FLG2: variants seen among roughly 807,000 people sequenced by gnomAD.
FLG2 encodes the protein filaggrin-2.
FLG2 carries 7 observed loss-of-function variants against 3.9 expected under a neutral mutation model. The ratio of observed to expected loss-of-function variants is 1.79; its 90% CI spans 1.02 to 3.36. The LOEUF (loss-of-function observed/expected upper bound fraction) is 3.36, where lower values mean the gene tolerates loss of function less well. FLG2 is among the 30% of genes most tolerant of loss of function. The probability of loss-of-function intolerance (pLI) is 0.00; values close to 1 mark genes in which losing one functional copy is unlikely to be tolerated. For synonymous variants in FLG2, 1,031 were observed against 1,056.1 expected, an observed-to-expected ratio of 0.98 and a Z score of 0.46; for missense variants, 2,700 against 2,809.4, an observed-to-expected ratio of 0.96 and a Z score of 0.88.
rs755076978 is a variant in FLG2, at chr1:152,352,234, G to C, written c.5552C>G (p.Thr1851Arg). ...TTGAGAATGTCCACTGGTATCTCCT[G>C]TCTGTCCATGAGTAGTTCCATGTCT... is the stretch of plus-strand genomic sequence containing the variant. ...DERHGTTHGQTGDTSGHSQSG... is the reference protein window; with the variant it reads ...DERHGTTHGQRGDTSGHSQSG... The change falls in exon 3 of 3, where the codon ACA becomes AGA. Residue 1851 changes from threonine to arginine, a missense_variant. Transcript: ENST00000388718. The C allele has an allele frequency of 1.9e-6, 3 of 1,613,990 alleles. No homozygotes were observed. The highest frequency in any genetic ancestry group is 1.1e-5 in the South Asian group (1 of 91,058).
chr1:152,357,380 C>T lies in FLG2; in HGVS notation c.406G>A (p.Glu136Lys). The change falls in exon 3 of 3, where the codon GAG becomes AAG. Residue 136 changes from glutamate to lysine, a missense_variant. Physicochemically the swap from Glu to Lys is moderately conservative, Grantham distance 56 (BLOSUM62 1). Transcript: ENST00000388718. ...KSGYRHSSWS[E>K]GEEHGYSSGH... Reference sequence around the variant, plus strand: ...GAACTATATCCATGCTCCTCTCCCTCACTCCAACTTGAATGTCTGTAACCT... The same window carrying T: ...GAACTATATCCATGCTCCTCTCCCTTACTCCAACTTGAATGTCTGTAACCT... 1 of 1,614,178 alleles carries T rather than the reference C, an allele frequency of 6.2e-7. No homozygotes were observed.
chr1:152,350,833 G>C lies in FLG2; in HGVS notation c.6953C>G (p.Thr2318Arg). Residue 2318 changes from threonine to arginine, a missense_variant, in exon 3 of 3, where the codon ACA becomes AGA. Thr to Arg is a moderately conservative substitution (Grantham distance 71, BLOSUM62 -1). Transcript: ENST00000388718. Reference protein sequence around the residue: ...GHSGYGQSTQTGSRSSRASHF... With the variant: ...GHSGYGQSTQRGSRSSRASHF... ...ACTTGCTCTACTAGATCTGGAACCT[G>C]TCTGTGTGGATTGTCCATAACCAGA... 6.2e-7 allele frequency: 1 copy of C among 1,614,152 alleles called. No individual in the cohort carries two copies.
chr1:152,355,575 T>C lies in FLG2; in HGVS notation c.2211A>G (p.Ser737=), dbSNP rs1654183268. Residue 737 remains serine, a synonymous_variant, in exon 3 of 3, where the codon TCA becomes TCG. Coordinates refer to ENST00000388718, the MANE Select transcript of FLG2 (RefSeq NM_001014342.3). ...GQSSSFGQHG[S]GSGQSSGFGQ... is the part of the protein sequence containing the mutation. ...CAAAGCCAGAGGACTGACCTGAGCC[T>C]GATCCATGTTGGCCAAAGCTGGAAG... The C allele has an allele frequency of 6.2e-7, 1 of 1,612,992 alleles. No individual in the cohort carries two copies. Among genetic ancestry groups the C allele is most frequent in the South Asian group, 1.1e-5 (1 of 91,014 alleles).
Position 152,357,213 on chromosome 1 carries a change from A to C in FLG2, c.573T>G (p.Ser191Arg), listed in dbSNP as rs1654273686. 1 of 1,613,664 alleles carries C rather than the reference A, an allele frequency of 6.2e-7. No individual in the cohort carries two copies. Among genetic ancestry groups the C allele is most frequent in the African/African-American group, 1.3e-5 (1 of 74,764 alleles). ...TGGAACCATGTCTGTCTTTGCCACC[A>C]CTCCATGAATGACCACAGCTGGACC... is the stretch of plus-strand genomic sequence containing the variant. ...YHRSSCGHSW[S>R]GGKDRHGSSS... The change falls in exon 3 of 3, where the codon AGT (serine) becomes AGG (arginine). Residue 191 changes from serine (S) to arginine (R), a missense_variant. By Grantham distance (110) the Ser-to-Arg change is moderately radical. Transcript: ENST00000388718.
Position 152,355,518 on chromosome 1 carries a change from A to G in FLG2, c.2268T>C (p.Ser756=). The part of the protein sequence containing the change: ...GQHGSGSGQS[S]GFGQHESRSG... Reference sequence around the variant, plus strand: ...ATCTAGACTCATGTTGTCCAAAGCCAGAGGATTGTCCTGAGCCAGACCCAT... The same window carrying G: ...ATCTAGACTCATGTTGTCCAAAGCCGGAGGATTGTCCTGAGCCAGACCCAT... Residue 756 remains serine, a synonymous_variant, in exon 3 of 3, where the codon TCT becomes TCC. Transcript: ENST00000388718. 2 of 1,613,626 alleles carry G rather than the reference A, an allele frequency of 1.2e-6. No individual in the cohort carries two copies. Among genetic ancestry groups the G allele is most frequent in the Admixed American group, 1.7e-5 (1 of 60,004 alleles).
Position 152,354,984 on chromosome 1 carries a change from G to T in FLG2, c.2802C>A (p.Gly934=), listed in dbSNP as rs745524457. 8.8e-6 allele frequency: 14 copies of T among 1,590,232 alleles called. No homozygotes were observed. The highest frequency in any genetic ancestry group is 5.0e-5 in the East Asian group (2 of 39,894). ...QHGSGSSQSS[G]YGQHGSSSGQ... ...CTGAACTTGACCCATGTTGACCATAGCCAGATGACTGACTTGAGCCAGAAC... is the reference window on the plus strand; with the variant it reads ...CTGAACTTGACCCATGTTGACCATATCCAGATGACTGACTTGAGCCAGAAC... Residue 934 remains glycine (G), a synonymous_variant, in exon 3 of 3, where the codon GGC becomes GGA. Transcript: ENST00000388718.
rs555696960 is a variant in FLG2 at position 152,359,045 on chromosome 1, T to TA, written c.-22-140dup. 122 of 722,462 alleles carry TA rather than the reference T, an allele frequency of 1.7e-4. 2 individuals carry two copies. In the South Asian group the frequency reaches 2.4e-3, roughly 14 times the overall value. The allele number at this position is 722,462 out of a possible 1,614,324, so 44.8% of individuals were successfully genotyped here. On this transcript the variant is annotated intron_variant, in intron 1 of 2. Transcript: ENST00000388718. ...AAACGTAAGAATGGGCCAGGGATGA[T>TA]ACAACCCCGTTTAACACAATGAAAA...
chr1:152,357,723 T>G, intron 2 of FLG2, 76 bp from the exon 3 acceptor site: 65 of 913,378 alleles, frequency 7.1e-5, no homozygotes, highest in Non-Finnish European at 9.5e-5. Context: ...TAAATAGCGC[T>G]GTGAAATTAT....
chr1:152,350,890 C>T lies in FLG2; in HGVS notation c.6896G>A (p.Gly2299Glu), dbSNP rs1386797434. ...TVHGRLETTH[G>E]QTGDTTRHGH... is the part of the protein sequence containing the mutation. The stretch of plus-strand genomic sequence containing the variant: ...ATGTCTAGTGGTATCTCCTGTCTGT[C>T]CATGAGTAGTTTCCAGTCTCCCATG... Residue 2299 changes from glycine to glutamate, a missense_variant, in exon 3 of 3, where the codon GGA becomes GAA. Physicochemically the swap from Gly to Glu is moderately conservative, Grantham distance 98 (BLOSUM62 -2). Coordinates refer to ENST00000388718, the MANE Select transcript of FLG2 (RefSeq NM_001014342.3). 1.2e-6 allele frequency: 2 copies of T among 1,613,892 alleles called. No homozygotes were observed. Among genetic ancestry groups the T allele is most frequent in the South Asian group, 1.1e-5 (1 of 91,072 alleles).
Position 152,354,091 on chromosome 1 carries a change from A to G in FLG2, c.3695T>C (p.Val1232Ala). 6.2e-7 allele frequency: 1 copy of G among 1,614,256 alleles called. No homozygotes were observed. Among genetic ancestry groups the G allele is most frequent in the Non-Finnish European group, 8.5e-7 (1 of 1,180,046 alleles). ...ATGAGTAGTTTCCTGTCTCCCATGA[A>G]CTGTGGATCCTGACTCTACTTGTTG... ...ESQQVESGST[V>A]HGRQETTHGQ... The change falls in exon 3 of 3, where the codon GTT becomes GCT. Residue 1232 changes from valine (V) to alanine (A), a missense_variant. Transcript: ENST00000388718.
In FLG2 at chr1:152,351,633, A is replaced by G. The variant is rs144929950; in HGVS notation, c.6153T>C (p.His2051=). The G allele has an allele frequency of 1.5e-3, 2,337 of 1,601,328 alleles. 53 individuals are homozygous for G. The African/African-American group carries it at 0.029, about 20-fold the overall frequency. The change falls in exon 3 of 3, where the codon CAT becomes CAC. Residue 2051 remains histidine (H), a synonymous_variant. Transcript: ENST00000388718. Reference sequence around the variant, plus strand: ...CTCCATGTTGAGATCCGGCTTGGCCATGAGCGTGTCCTGAATGTGTGTGTG... The same window carrying G: ...CTCCATGTTGAGATCCGGCTTGGCCGTGAGCGTGTCCTGAATGTGTGTGTG... The part of the protein sequence containing the change: ...GVSHTHSGHA[H]GQAGSQHGES...
At position 152,350,633 on chromosome 1, in the gene FLG2, T is replaced by C; in HGVS notation, c.7153A>G (p.Asn2385Asp). 6.2e-7 allele frequency: 1 copy of C among 1,614,010 alleles called. No homozygotes were observed. Among genetic ancestry groups the C allele is most frequent in the Non-Finnish European group, 8.5e-7 (1 of 1,179,928 alleles). ...HLSWSTDSTA[N>D]KQLSRH ...TGTCAATGTCTAGACAGTTGCTTGT[T>C]TGCAGTGCTGTCTGTTGACCATGAA... Residue 2385 changes from asparagine (N) to aspartate (D), a missense_variant, in exon 3 of 3, where the codon AAC becomes GAC. By Grantham distance (23) the Asn-to-Asp change is conservative (BLOSUM62 1). Transcript: ENST00000388718.
At position 152,356,940 on chromosome 1, in the gene FLG2, A is replaced by G. The variant is rs201878525; in HGVS notation, c.846T>C (p.Tyr282=). The G allele has an allele frequency of 1.1e-5, 17 of 1,614,216 alleles. 1 individual carries two copies. In the East Asian group the frequency reaches 3.8e-4, roughly 36 times the overall value. The change falls in exon 3 of 3, where the codon TAT becomes TAC. Residue 282 remains tyrosine, a synonymous_variant. Coordinates refer to ENST00000388718, the MANE Select transcript of FLG2 (RefSeq NM_001014342.3). ...GCCTTCCACACCCACTTGAATTGCT[A>G]TAACCACATGCATGACTTCGCCTCC... ...DSGRRSHACG[Y]SNSSGCGRPQ...
rs760787412 is a variant in FLG2 at position 152,352,381 on chromosome 1, C to A, written c.5405G>T (p.Gly1802Val). The A allele has an allele frequency of 4.3e-6, 7 of 1,613,708 alleles. No homozygotes were observed. In the African/African-American group the frequency reaches 9.4e-5, roughly 22 times the overall value. The stretch of plus-strand genomic sequence containing the variant: ...TTCACTGTCACTGTACTCACTGTGG[C>A]CAGATGACCTTCTTCCAGTGGTCCT... ...GSRTTGRRSS[G>V]HSEYSDSEGH... The change falls in exon 3 of 3, where the codon GGC becomes GTC. Residue 1802 changes from glycine (G) to valine (V), a missense_variant. Gly to Val is a moderately radical substitution (Grantham distance 109). Transcript: ENST00000388718.
Position 152,356,364 on chromosome 1 carries a change from A to T in FLG2, c.1422T>A (p.Gly474=). ...CATGTTGTCCAAAGCCAGATGTCTT[A>T]CCTGAGCTAGACCCATGCTGGTCAT... ...LGYDQHGSSS[G]KTSGFGQHGS... The change falls in exon 3 of 3, where the codon GGT becomes GGA. Residue 474 remains glycine, a synonymous_variant. Transcript: ENST00000388718. 1 of 1,614,172 alleles carries T rather than the reference A, an allele frequency of 6.2e-7. No homozygotes were observed. The highest frequency in any genetic ancestry group is 8.5e-7 in the Non-Finnish European group (1 of 1,180,032).
In FLG2 at chr1:152,351,109, G is replaced by C. The variant is rs916980875; in HGVS notation, c.6677C>G (p.Thr2226Arg). ...GTGGGCATGTCTAGTGGTATCTCCT[G>C]TCTGTCCATGAGTAGTTCCCTGTCT... ...HGRQGTTHGQ[T>R]GDTTRHAHYG... Residue 2226 changes from threonine (T) to arginine (R), a missense_variant, in exon 3 of 3, where the codon ACA becomes AGA. Thr to Arg is a moderately conservative substitution (Grantham distance 71). Transcript: ENST00000388718. 3.1e-6 allele frequency: 5 copies of C among 1,613,982 alleles called. No individual in the cohort carries two copies. Among genetic ancestry groups the C allele is most frequent in the Admixed American group, 3.3e-5 (2 of 60,004 alleles).
rs1162484560 is a variant in FLG2 at position 152,357,564 on chromosome 1, A to G, written c.222T>C (p.Phe74=). 6.2e-7 allele frequency: 1 copy of G among 1,614,084 alleles called. No homozygotes were observed. The highest frequency in any genetic ancestry group is 8.5e-7 in the Non-Finnish European group (1 of 1,180,036). ...DHDRRLDFTE[F]LLMIFKLTMA... Reference sequence around the variant, plus strand: ...TAGTCAGCTTGAATATCATCAAAAGAAACTCAGTAAAGTCCAATCTTCTGT... The same window carrying G: ...TAGTCAGCTTGAATATCATCAAAAGGAACTCAGTAAAGTCCAATCTTCTGT... Residue 74 remains phenylalanine (F), a synonymous_variant, in exon 3 of 3, where the codon TTT becomes TTC. Transcript: ENST00000388718.
rs376664046 is a variant in FLG2 at position 152,354,009 on chromosome 1, C to G, written c.3777G>C (p.Gln1259His). The G allele has an allele frequency of 1.1e-4, 177 of 1,614,104 alleles. No individual in the cohort carries two copies. The highest frequency in any genetic ancestry group is 5.3e-5 in the African/African-American group (4 of 74,938). ...GTCTTCTAGTTACCCTGGACCCTGT[C>G]TGTGTGGATTGTCCTTGACCAGACT... Reference protein sequence around the residue: ...HSQSGQGQSTQTGSRVTRRRR... With the variant: ...HSQSGQGQSTHTGSRVTRRRR... Residue 1259 changes from glutamine to histidine, a missense_variant, in exon 3 of 3, where the codon CAG becomes CAC. Physicochemically the swap from Gln to His is conservative, Grantham distance 24. Transcript: ENST00000388718.
rs763810814 is a variant in FLG2 at position 152,355,323 on chromosome 1, T to C, written c.2463A>G (p.Gly821=). ...GSGSGQSAGF[G]QHGSGSGQSS... ...ATTGTCCTGAGCCAGACCCATGTTG[T>C]CCAAAGCCAGCGGACTGACCTGAGC... The change falls in exon 3 of 3, where the codon GGA becomes GGG. Residue 821 remains glycine (G), a synonymous_variant. Transcript: ENST00000388718. 4.3e-6 allele frequency: 7 copies of C among 1,613,566 alleles called. No homozygotes were observed. Among genetic ancestry groups the C allele is most frequent in the Non-Finnish European group, 5.9e-6 (7 of 1,179,872 alleles).
Sources: allele counts gnomAD v4.1 joint callset, GRCh38; gene constraint gnomAD v4.1.1; transcripts MANE v1.5; gene names NCBI Gene and HGNC (gene_info 2026-07-23, HGNC 2026-07-21).